The following OXTR variants were observed in gnomAD, a reference collection of about 807,000 sequenced individuals.
The protein encoded by OXTR is oxytocin receptor.
OXTR carries 19 observed loss-of-function variants against 23.9 expected under a neutral mutation model. The observed-to-expected ratio is 0.80, with a 90% CI of 0.56 to 1.17. The LOEUF is 1.17. Among genes scored for constraint, OXTR ranks in the 50% most tolerant of loss-of-function variants. OXTR has a pLI of 0.00. For synonymous variants in OXTR, 278 were observed against 250.5 expected, an observed-to-expected ratio of 1.11 and a Z score of -1.04; for missense variants, 500 against 550.7, an observed-to-expected ratio of 0.91 and a Z score of 0.92.
downstream of OXTR, among the ~76,000 whole-genome samples, chr3:8,747,623 C>T (rs1007091516): frequency 2.0e-5 from 3 of 152,204 alleles, no homozygotes; most frequent in African/African-American, 7.2e-5. Context: ...CCCACCTAGC[C>T]AGCACTATCA....
In OXTR at chr3:8,767,715, A is replaced by T; in HGVS notation, c.473T>A (p.Leu158His). 1 of 1,609,978 alleles carries T rather than the reference A, an allele frequency of 6.2e-7. No homozygotes were observed. The highest frequency in any genetic ancestry group is 8.5e-7 in the Non-Finnish European group (1 of 1,178,240). ...CACCAGGCAGCCGAGCCACGTGGCG[A>T]GCACTGCCAGGCGGTCGGTGCGGCG... Reference protein sequence around the residue: ...LRRRTDRLAVLATWLGCLVAS... With the variant: ...LRRRTDRLAVHATWLGCLVAS... The change falls in exon 3 of 4, where the codon CTC becomes CAC. Residue 158 changes from leucine (L) to histidine (H), a missense_variant. Leu to His is a moderately conservative substitution (Grantham distance 99). Coordinates refer to ENST00000316793, the MANE Select transcript of OXTR (RefSeq NM_000916.4).
At chr3:8,746,984 CTCTG>C (rs1458700508), downstream of OXTR, among the ~76,000 whole-genome samples, 1 of 152,198 alleles carries the variant, frequency 6.6e-6, no homozygotes, top group Non-Finnish European at 1.5e-5. Flanking sequence ...ACATTAAAGG[CTCTG>C]ACATGTCCTG....
chr3:8,764,628 A>G (rs11711703), intron 3 of OXTR, among the ~76,000 whole-genome samples: 24,128 of 152,212 alleles, frequency 0.16, 2,128 homozygotes, highest in Admixed American at 0.25. Context: ...CCAAGTGGAC[A>G]CACGGCTGGT....
intron 3 of OXTR, among the ~76,000 whole-genome samples, chr3:8,763,522 TCTC>T (rs1442374503): frequency 5.3e-5 from 8 of 152,110 alleles, no homozygotes; most frequent in Non-Finnish European, 1.5e-5. Context: ...CTCATCCTCA[TCTC>T]CTCCCTCAGA....
intron 3 of OXTR, among the ~76,000 whole-genome samples, chr3:8,757,576 C>T (rs1484334321): frequency 6.6e-6 from 1 of 152,190 alleles, no homozygotes; most frequent in Non-Finnish European, 1.5e-5. Flanking sequence ...GTTGCTGCAA[C>T]TGTGGGCAGG....
chr3:8,763,780 A>T lies in OXTR; in HGVS notation c.922+3486T>A, dbSNP rs1708542456. ...ATGCTCCCATTGGCTCTTTCTTCGG[A>T]ATCATGGAAATATTTAAACTTAAAG... is the stretch of plus-strand genomic sequence containing the variant. On this transcript the variant is annotated intron_variant, in intron 3 of 3. Transcript: ENST00000316793. Among the ~76,000 whole-genome samples the T allele has an allele frequency of 2.0e-5, 3 of 152,186 alleles. No individual in the cohort carries two copies. In the South Asian group the frequency reaches 6.2e-4, roughly 32 times the overall value.
chr3:8,753,230 G>A lies in OXTR; in HGVS notation c.923-6C>T. ...GACGATGATGAAGGCCGAGGCTGAG[G>A]GGGTGGGGGCAGGAGAAAGGAGAAA... On this transcript the variant is annotated splice_region_variant and splice_polypyrimidine_tract_variant and intron_variant, in intron 3 of 3. Transcript: ENST00000316793. The A allele has an allele frequency of 6.2e-7, 1 of 1,614,038 alleles. No homozygotes were observed. Among genetic ancestry groups the A allele is most frequent in the Non-Finnish European group, 8.5e-7 (1 of 1,179,954 alleles).
chr3:8,764,384 G>C (rs144356375), intron 3 of OXTR, among the ~76,000 whole-genome samples: 5 of 152,240 alleles, frequency 3.3e-5, no homozygotes, highest in Non-Finnish European at 7.3e-5. Flanking sequence ...CAGGTGATGA[G>C]TGGAGTAAGG....
chr3:8,745,996 C>A (rs1254229910), downstream of OXTR: 6 of 709,410 alleles, frequency 8.5e-6, no homozygotes, highest in Non-Finnish European at 1.4e-5. This position sits in a 1 kb window ranked among gnomAD's most constrained non-coding sequence, Gnocchi z 4.8. Context: ...CATGATGGAG[C>A]ACACGGTGTA....
intron 3 of OXTR, among the ~76,000 whole-genome samples, chr3:8,758,115 C>T (rs972997013): frequency 6.6e-6 from 1 of 152,032 alleles, no homozygotes; most frequent in African/African-American, 2.4e-5. Flanking sequence ...CAATTCTGTC[C>T]CTGGGAGAAT....
rs201052498 is a variant in OXTR at position 8,768,468 on chromosome 3, C to T, written c.-143+28G>A. 11 of 340,034 alleles carry T rather than the reference C, an allele frequency of 3.2e-5. No homozygotes were observed. The highest frequency in any genetic ancestry group is 1.9e-4 in the African/African-American group (9 of 46,604). The allele number at this position is 340,034 out of a possible 1,614,324, so 21.1% of individuals were successfully genotyped here. ...CCGCCGGCCTCGGGTTGCTCAGCCG[C>T]CACCCCAGAAATCCCCGTTGGAGGT... On this transcript the variant is annotated intron_variant, in intron 2 of 3. Transcript: ENST00000316793. This position sits in a 1 kb window ranked among gnomAD's most constrained non-coding sequence, Gnocchi z 5.4.
chr3:8,769,538 G>A lies in OXTR; in HGVS notation c.-546C>T, dbSNP rs1318644846. ...CTGCACTATCGCACGGGTCCGCTAG[G>A]GGGCGGGCGAGGCCAGCCGCGCAGA... On this transcript the variant is annotated 5_prime_UTR_variant, in exon 1 of 4. Transcript: ENST00000316793. The A allele has an allele frequency of 2.6e-5, 4 of 152,302 alleles. No homozygotes were observed. Among genetic ancestry groups the A allele is most frequent in the Admixed American group, 1.3e-4 (2 of 15,294 alleles). 9.4% of individuals were successfully genotyped at this position (152,302 alleles called of 1,614,324 possible). A position where few individuals can be genotyped will look rare whatever the true frequency, so the allele number is the denominator to read the frequency against.
downstream of OXTR, among the ~76,000 whole-genome samples, chr3:8,749,433 T>A (rs553288796): frequency 6.6e-5 from 10 of 152,260 alleles, no homozygotes; most frequent in Non-Finnish European, 1.5e-4. Context: ...TGATCCCCAG[T>A]GGCCTCTGTT....
At position 8,753,231 on chromosome 3, in the gene OXTR, G is replaced by A; in HGVS notation, c.923-7C>T. The stretch of plus-strand genomic sequence containing the variant: ...ACGATGATGAAGGCCGAGGCTGAGG[G>A]GGTGGGGGCAGGAGAAAGGAGAAAA... On this transcript the variant is annotated splice_region_variant and splice_polypyrimidine_tract_variant and intron_variant, in intron 3 of 3. Transcript: ENST00000316793. 6.2e-7 allele frequency: 1 copy of A among 1,613,994 alleles called. No homozygotes were observed. The highest frequency in any genetic ancestry group is 2.2e-5 in the East Asian group (1 of 44,880).
chr3:8,766,366 G>A (rs554898012), intron 3 of OXTR, among the ~76,000 whole-genome samples: 7 of 152,188 alleles, frequency 4.6e-5, no homozygotes, highest in South Asian at 4.2e-4. Context: ...TCCCTAGGTC[G>A]CCCTCTTCTA....
At chr3:8,757,688 C>T (rs867972425) in intron 3 of OXTR, among the ~76,000 whole-genome samples, 2 of 152,310 alleles carry the variant, frequency 1.3e-5, no homozygotes, top group South Asian at 4.1e-4. Flanking sequence ...GAGTCCTGAG[C>T]GTGTGCCAGA....
intron 3 of OXTR, among the ~76,000 whole-genome samples, chr3:8,761,456 C>T (rs1559673604): frequency 6.6e-6 from 1 of 152,092 alleles, no homozygotes; most frequent in Non-Finnish European, 1.5e-5. Context: ...CCCAGGAGAT[C>T]CCCAAGTCGA....
chr3:8,753,333 A>G, intron 3 of OXTR, 109 bp from the exon 4 acceptor site: 4 of 1,278,890 alleles, frequency 3.1e-6, no homozygotes, highest in Non-Finnish European at 4.3e-6. Context: ...GCCTTGTCCA[A>G]GTACTACATC....
In OXTR at chr3:8,768,143, G is replaced by T; in HGVS notation, c.45C>A (p.Asn15Lys). ...LAANWSAEAANASAAPPGAEG... is the reference protein window; with the variant it reads ...LAANWSAEAAKASAAPPGAEG... ...CGGCCCCCGGCGGCGCGGCGCTGGC[G>T]TTGGCTGCCTCGGCGCTCCAGTTGG... The change falls in exon 3 of 4, where the codon AAC becomes AAA. Residue 15 changes from asparagine (N) to lysine (K), a missense_variant. Coordinates refer to ENST00000316793, the MANE Select transcript of OXTR (RefSeq NM_000916.4). This position sits in a 1 kb window ranked among gnomAD's most constrained non-coding sequence, Gnocchi z 5.4. 1.5e-6 allele frequency: 2 copies of T among 1,341,488 alleles called. No homozygotes were observed. The highest frequency in any genetic ancestry group is 3.9e-5 in the Admixed American group (1 of 25,440). The allele number at this position is 1,341,488 out of a possible 1,614,324, so 83.1% of individuals were successfully genotyped here.
Sources: allele counts gnomAD v4.1 joint callset (sites outside exome capture counted in the v4.1 genomes callset), GRCh38; gene constraint gnomAD v4.1.1; non-coding constraint Gnocchi (gnomAD v3.1); transcripts MANE v1.5; gene names NCBI Gene and HGNC (gene_info 2026-07-23, HGNC 2026-07-21).